POLA1: variants seen among roughly 807,000 people sequenced by gnomAD.
POLA1 encodes DNA polymerase alpha catalytic subunit.
A neutral mutation model predicts 124.0 loss-of-function variants in POLA1; 15 were observed. The observed-to-expected ratio is 0.12, with a 90% CI of 0.08 to 0.19. The LOEUF is 0.19. Ranked by LOEUF, POLA1 falls within the 10% of genes least tolerant of loss-of-function variation. POLA1 has a pLI of 1.00. For missense variants in POLA1, 886 were observed against 1,103.4 expected, an observed-to-expected ratio of 0.80 and a Z score of 2.79; for synonymous variants, 408 against 389.4, an observed-to-expected ratio of 1.05 and a Z score of -0.56.
intron 35 of POLA1, among the ~76,000 whole-genome samples, chrX:24,908,606 G>T (rs2047400480): frequency 9.0e-6 from 1 of 110,838 alleles, no homozygotes; most frequent in African/African-American, 3.3e-5. Context: ...TGGTGTATAT[G>T]TGCCACATTT....
intron 32 of POLA1, among the ~76,000 whole-genome samples, chrX:24,830,983 G>A (rs1189790288): frequency 9.0e-6 from 1 of 111,493 alleles, no homozygotes; most frequent in Non-Finnish European, 1.9e-5. Context: ...AAATTATTGA[G>A]GTTTGAAGAA....
intron 36 of POLA1, among the ~76,000 whole-genome samples, chrX:24,935,311 TC>T (rs1221585524): frequency 8.9e-6 from 1 of 112,587 alleles, no homozygotes; most frequent in African/African-American, 3.2e-5. Flanking sequence ...CTTAATAAAT[TC>T]CTTTGAACAC....
At chrX:24,995,274 C>T (rs967505722) in intron 36 of POLA1, among the ~76,000 whole-genome samples, 6 of 110,655 alleles carry the variant, frequency 5.4e-5, no homozygotes, top group East Asian at 2.8e-4. Flanking sequence ...CAGGTGCCCT[C>T]GGGGCCGCTC....
chrX:24,945,917 A>T (rs1003780358), intron 36 of POLA1, among the ~76,000 whole-genome samples: 1 of 111,766 alleles, frequency 8.9e-6, no homozygotes, highest in Admixed American at 9.6e-5. Flanking sequence ...TCAAAGATAA[A>T]GTGAAGAAAA....
At chrX:24,790,939 AT>A (rs1343115196) in intron 26 of POLA1, among the ~76,000 whole-genome samples, 6 of 103,419 alleles carry the variant, frequency 5.8e-5, no homozygotes, top group African/African-American at 1.4e-4. Flanking sequence ...ATATATATAT[AT>A]AAAACATTTA....
rs781063776 is a variant in POLA1 at position 24,886,793 on chromosome X, A to G, written c.4048-1213A>G. On this transcript the variant is annotated intron_variant, in intron 34 of 36. Coordinates refer to ENST00000379068, the MANE Select transcript of POLA1 (RefSeq NM_001330360.2). Reference sequence around the variant, plus strand: ...TATGCGTGTTATTGATTCCTTTATTAATGATAACTCAGCATAGCTCTTTCT... The same window carrying G: ...TATGCGTGTTATTGATTCCTTTATTGATGATAACTCAGCATAGCTCTTTCT... Among the ~76,000 whole-genome samples, 5 of 112,452 alleles carry G rather than the reference A, an allele frequency of 4.4e-5. No homozygotes were observed. In the East Asian group the frequency reaches 1.1e-3, roughly 25 times the overall value.
chrX:24,788,619 C>T, intron 26 of POLA1: 1 of 1,194,732 alleles, frequency 8.4e-7, no homozygotes, highest in Non-Finnish European at 1.1e-6. Context: ...TCTGTCTCAT[C>T]ATCCCAAGGT....
chrX:24,754,895 T>G (rs1334347225), intron 26 of POLA1, among the ~76,000 whole-genome samples: 4 of 112,863 alleles, frequency 3.5e-5, no homozygotes, highest in Non-Finnish European at 7.5e-5. Context: ...TCATGTTAAC[T>G]ATTGTATAAT....
At chrX:24,808,363 C>T (rs753232597) in intron 26 of POLA1, among the ~76,000 whole-genome samples, 87 of 112,074 alleles carry the variant, frequency 7.8e-4, no homozygotes, top group African/African-American at 2.8e-3. Flanking sequence ...ATTCTCCTTA[C>T]GTTTAATTGG....
chrX:24,829,310 C>A lies in POLA1; in HGVS notation c.3736+2709C>A, dbSNP rs1325596848. Reference sequence around the variant, plus strand: ...TGCAACTGCTCCTCACTTTTGGCTACTTTTTCTCATTTTTTTTCTTCTGCC... The same window carrying A: ...TGCAACTGCTCCTCACTTTTGGCTAATTTTTCTCATTTTTTTTCTTCTGCC... On this transcript the variant is annotated intron_variant, in intron 32 of 36. Coordinates refer to ENST00000379068, the MANE Select transcript of POLA1 (RefSeq NM_001330360.2). Among the ~76,000 whole-genome samples, 4 of 111,679 alleles carry A rather than the reference C, an allele frequency of 3.6e-5. No homozygotes were observed. The East Asian group carries it at 1.1e-3, about 32-fold the overall frequency.
intron 36 of POLA1, among the ~76,000 whole-genome samples, chrX:24,943,088 G>T (rs1281143417): frequency 8.9e-6 from 1 of 112,388 alleles, no homozygotes; most frequent in Non-Finnish European, 1.9e-5. Flanking sequence ...CATCCTACAG[G>T]ATACATCTGT....
chrX:24,798,737 G>T (rs1418953553), intron 26 of POLA1, among the ~76,000 whole-genome samples: 4 of 111,147 alleles, frequency 3.6e-5, no homozygotes, highest in Non-Finnish European at 7.5e-5. Flanking sequence ...GTTATACATG[G>T]ATTTTTGAAT....
intron 26 of POLA1, among the ~76,000 whole-genome samples, chrX:24,778,673 A>G (rs1484281239): frequency 8.9e-6 from 1 of 112,196 alleles, no homozygotes; most frequent in African/African-American, 3.2e-5. Flanking sequence ...TCTGGGCACT[A>G]TCCTAAGTAT....
At chrX:24,794,760 C>T (rs1569314021) in intron 26 of POLA1, among the ~76,000 whole-genome samples, 1 of 111,850 alleles carries the variant, frequency 8.9e-6, no homozygotes, top group Non-Finnish European at 1.9e-5. Flanking sequence ...TTTTCCTCTT[C>T]ATGAATCATT....
At chrX:24,888,618 T>G (rs1475154943) in intron 35 of POLA1, among the ~76,000 whole-genome samples, 8 of 99,336 alleles carry the variant, frequency 8.1e-5, no homozygotes, top group Non-Finnish European at 1.6e-4. Context: ...TTTTTTTTTT[T>G]TTTTTTTTTG....
At chrX:24,742,241 C>A in intron 22 of POLA1, 120 bp downstream of exon 22, 1 of 603,498 alleles carries the variant, frequency 1.7e-6, no homozygotes, top group Non-Finnish European at 2.5e-6. Flanking sequence ...CCCTTGTGTA[C>A]TAAAGAAACC....
At chrX:24,852,907 G>A (rs1321281065) in intron 34 of POLA1, among the ~76,000 whole-genome samples, 9 of 111,674 alleles carry the variant, frequency 8.1e-5, no homozygotes, top group Non-Finnish European at 1.7e-4. Context: ...CAGGGCTTCC[G>A]TCTCCATCCA....
rs757130960 is a variant in POLA1, at chrX:24,737,637, T to C, written c.1936T>C (p.Tyr646His). ...DPDIIVGHNI[Y>H]GFELEVLLQR... ...TTTTTCTGACTAGGGTCATAATATTTATGGGTTTGAACTGGAAGTACTACT... is the reference window on the plus strand; with the variant it reads ...TTTTTCTGACTAGGGTCATAATATTCATGGGTTTGAACTGGAAGTACTACT... Residue 646 changes from tyrosine to histidine, a missense_variant, in exon 19 of 37, where the codon TAT (tyrosine) becomes CAT (histidine). By Grantham distance (83) the Tyr-to-His change is moderately conservative. Around this residue, in one of 7 missense-constraint regions of POLA1, gnomAD observed 182 missense variants for 252.8 expected, o/e 0.72. Coordinates refer to ENST00000379068, the MANE Select transcript of POLA1 (RefSeq NM_001330360.2). 18 of 1,100,923 alleles carry C rather than the reference T, an allele frequency of 1.6e-5. No individual in the cohort carries two copies. Among genetic ancestry groups the C allele is most frequent in the Non-Finnish European group, 2.3e-5 (18 of 798,129 alleles). The allele number at this position is 1,100,923 out of a possible 1,213,427, so 90.7% of individuals were successfully genotyped here.
intron 15 of POLA1, among the ~76,000 whole-genome samples, chrX:24,729,568 C>T (rs1350955948): frequency 1.8e-5 from 2 of 111,778 alleles, no homozygotes; most frequent in African/African-American, 3.3e-5. Flanking sequence ...TAATGGTTTA[C>T]ACAGGAAAGA....
Sources: gnomAD v4.1 joint callset for allele counts (sites outside exome capture counted in the v4.1 genomes callset) on GRCh38, gnomAD v4.1.1 for gene constraint, gnomAD v4.1.1 regional missense constraint, MANE v1.5 for transcripts, NCBI Gene and HGNC (gene_info 2026-07-23, HGNC 2026-07-21) for gene names.